CLYBL: variants seen among roughly 807,000 people sequenced by gnomAD.
The protein encoded by CLYBL is citramalyl-CoA lyase, also known as citramalyl-CoA lyase, mitochondrial.
A neutral mutation model predicts 38.9 loss-of-function variants in CLYBL; 31 were observed. The observed-to-expected ratio is 0.80, with a 90% CI of 0.60 to 1.08. CLYBL has a LOEUF of 1.08. Ranked by LOEUF, CLYBL falls within the 50% of genes least tolerant of loss-of-function variation. The pLI is 0.00. For synonymous variants in CLYBL, 171 were observed against 158.6 expected, an observed-to-expected ratio of 1.08 and a Z score of -0.59; for missense variants, 434 against 411.6, an observed-to-expected ratio of 1.05 and a Z score of -0.47.
intron 1 of CLYBL, among the ~76,000 whole-genome samples, chr13:99,695,407 GT>G (rs989152982): frequency 2.0e-4 from 30 of 152,188 alleles, no homozygotes; most frequent in Non-Finnish European, 8.8e-5. Context: ...GGAAAACCGC[GT>G]TTTTATGGAC....
chr13:99,801,521 G>GA (rs150856159), intron 2 of CLYBL, among the ~76,000 whole-genome samples: 30,102 of 151,324 alleles, frequency 0.2, 4,003 homozygotes, highest in East Asian at 0.45. Flanking sequence ...GAAAGTAATA[G>GA]AAAAAAAAGA....
chr13:99,763,956 G>A (rs893883361), intron 1 of CLYBL, among the ~76,000 whole-genome samples: 9 of 151,584 alleles, frequency 5.9e-5, no homozygotes, highest in Admixed American at 6.6e-5. Context: ...TCCTTTTTTC[G>A]TCATGTCCTT....
chr13:99,764,852 T>TC (rs920162812), intron 1 of CLYBL, among the ~76,000 whole-genome samples: 7 of 151,666 alleles, frequency 4.6e-5, no homozygotes, highest in African/African-American at 1.7e-4. Flanking sequence ...GGCTAATTTT[T>TC]TTTTTTTTTT....
At chr13:99,843,167 C>T (rs1049870615) in intron 2 of CLYBL, among the ~76,000 whole-genome samples, 1 of 152,138 alleles carries the variant, frequency 6.6e-6, no homozygotes, top group Non-Finnish European at 1.5e-5. Context: ...CATGGTCATT[C>T]CTTTGGAGCC....
chr13:99,685,687 C>T (rs2047806574), intron 1 of CLYBL, among the ~76,000 whole-genome samples: 1 of 152,118 alleles, frequency 6.6e-6, no homozygotes, highest in Non-Finnish European at 1.5e-5. Context: ...AGAGGCCGGG[C>T]ACGGTGGCTC....
intron 1 of CLYBL, among the ~76,000 whole-genome samples, chr13:99,761,541 C>T (rs1039998981): frequency 2.6e-5 from 4 of 152,146 alleles, no homozygotes; most frequent in African/African-American, 7.2e-5. Flanking sequence ...TACACACACA[C>T]ATTCACGTAA....
intron 2 of CLYBL, among the ~76,000 whole-genome samples, chr13:99,834,255 G>GTT (rs2050885245): frequency 6.6e-6 from 1 of 152,168 alleles, no homozygotes; most frequent in African/African-American, 2.4e-5. Flanking sequence ...TGCCAAGCCA[G>GTT]TGTCAAGCAG....
chr13:99,608,773 CT>C (rs1223487366), intron 1 of CLYBL, among the ~76,000 whole-genome samples: 1 of 150,048 alleles, frequency 6.7e-6, no homozygotes, highest in Non-Finnish European at 1.5e-5. Flanking sequence ...TATTATCGCA[CT>C]GTCTTTTTGC....
At chr13:99,716,902 C>T (rs189903624) in intron 1 of CLYBL, among the ~76,000 whole-genome samples, 1 of 150,400 alleles carries the variant, frequency 6.6e-6, no homozygotes, top group African/African-American at 2.5e-5. Flanking sequence ...AGCGATTCTC[C>T]TGCCTCAGCC....
At position 99,889,659 on chromosome 13, in the gene CLYBL, A is replaced by G. The variant is rs141895267; in HGVS notation, c.928-1659A>G. Among the ~76,000 whole-genome samples, 481 of 152,366 alleles carry G rather than the reference A, an allele frequency of 3.2e-3. 3 individuals carry two copies. The highest frequency in any genetic ancestry group is 0.011 in the African/African-American group (437 of 41,590). ...GCTGAAAAGGTTGGCCACTGCTGGT[A>G]AAAATTCTAATCCTAGTAGGCTTAG... On this transcript the variant is annotated intron_variant, in intron 7 of 8. Coordinates refer to ENST00000339105, the MANE Select transcript of CLYBL (RefSeq NM_206808.5).
intron 2 of CLYBL, among the ~76,000 whole-genome samples, chr13:99,841,200 A>T (rs1162388751): frequency 6.6e-6 from 1 of 152,196 alleles, no homozygotes; most frequent in Non-Finnish European, 1.5e-5. Context: ...TGAAGAATTC[A>T]GCAACCTGAA....
chr13:99,848,323 C>T lies in CLYBL; in HGVS notation c.250-10538C>T, dbSNP rs578180298. Among the ~76,000 whole-genome samples the T allele has an allele frequency of 3.3e-5, 5 of 152,302 alleles. No individual in the cohort carries two copies. The East Asian group carries it at 9.6e-4, about 29-fold the overall frequency. On this transcript the variant is annotated intron_variant, in intron 2 of 8. Coordinates refer to ENST00000339105, the MANE Select transcript of CLYBL (RefSeq NM_206808.5). ...TGGATGATAAATTCCCAGACTTCAA[C>T]AGGGAGTGATTTATGGATCTTTTCC...
chr13:99,705,464 C>G (rs957353991), intron 1 of CLYBL, among the ~76,000 whole-genome samples: 1 of 152,042 alleles, frequency 6.6e-6, no homozygotes, highest in African/African-American at 2.4e-5. Flanking sequence ...CCTGTCATCC[C>G]AGCTACTTGG....
At chr13:99,808,973 G>A (rs571285489) in intron 2 of CLYBL, among the ~76,000 whole-genome samples, 1 of 152,160 alleles carries the variant, frequency 6.6e-6, no homozygotes, top group Middle Eastern at 3.4e-3. Context: ...CACGTCCTGA[G>A]CATCTAGCAC....
At chr13:99,727,445 G>A (rs999982565) in intron 1 of CLYBL, 1 of 151,940 alleles carries the variant, frequency 6.6e-6, no homozygotes, top group African/African-American at 2.4e-5. Context: ...AGGGCAGAAG[G>A]TCTTCTCATA....
chr13:99,711,436 T>A (rs1453795550), intron 1 of CLYBL, among the ~76,000 whole-genome samples: 1 of 128,426 alleles, frequency 7.8e-6, no homozygotes, highest in African/African-American at 2.8e-5. Flanking sequence ...TGAGACGGAG[T>A]TTCGCTCTCG....
chr13:99,902,942 C>T (rs771834309), intron 8 of CLYBL, among the ~76,000 whole-genome samples: 3 of 152,220 alleles, frequency 2.0e-5, no homozygotes, highest in Non-Finnish European at 4.4e-5. Flanking sequence ...CTTTTAGGAT[C>T]GCACATTTCT....
At chr13:99,650,701 A>C (rs2047241354) in intron 1 of CLYBL, among the ~76,000 whole-genome samples, 1 of 151,840 alleles carries the variant, frequency 6.6e-6, no homozygotes, top group Non-Finnish European at 1.5e-5. Flanking sequence ...CCTCCACTAG[A>C]CCCTTGGATT....
intron 2 of CLYBL, among the ~76,000 whole-genome samples, chr13:99,795,121 G>T (rs1301559928): frequency 6.6e-6 from 1 of 152,150 alleles, no homozygotes; most frequent in Admixed American, 6.5e-5. Context: ...GGCTCGTGAG[G>T]AGCAAATGTC....
Sources: allele counts gnomAD v4.1 joint callset (sites outside exome capture counted in the v4.1 genomes callset), GRCh38; gene constraint gnomAD v4.1.1; transcripts MANE v1.5; gene names NCBI Gene and HGNC (gene_info 2026-07-23, HGNC 2026-07-21).